The following KCNQ1 variants were observed in gnomAD, a reference collection of about 807,000 sequenced individuals.
The protein encoded by KCNQ1 is potassium voltage-gated channel subfamily Q member 1.
KCNQ1 carries 49 observed loss-of-function variants against 72.4 expected under a neutral mutation model. The observed-to-expected ratio is 0.68, with a 90% CI of 0.54 to 0.86. The LOEUF (loss-of-function observed/expected upper bound fraction) is 0.86, where lower values mean the gene tolerates loss of function less well. KCNQ1 is among the 40% of genes least tolerant of loss of function. KCNQ1 has a pLI of 0.00. For missense variants in KCNQ1, 790 were observed against 945.1 expected, an observed-to-expected ratio of 0.84 and a Z score of 2.15; for synonymous variants, 450 against 412.6, an observed-to-expected ratio of 1.09 and a Z score of -1.10.
At chr11:2,839,009 TAGGTGGGC>T (rs61480309) in intron 15 of KCNQ1, among the ~76,000 whole-genome samples, 111,781 of 151,096 alleles carry the variant, frequency 0.74, 42,897 homozygotes, top group African/African-American at 0.87. Flanking sequence ...GGGGTTGCAC[TAGGTGGGC>T]AGGTGGGCAG....
intron 3 of KCNQ1, among the ~76,000 whole-genome samples, chr11:2,571,022 G>A (rs1333316063): frequency 6.6e-6 from 1 of 152,218 alleles, no homozygotes; most frequent in East Asian, 1.9e-4. Context: ...TGGTGGGCCA[G>A]TCACCCTCGG....
chr11:2,835,425 ACACG>A (rs781179944), intron 15 of KCNQ1, among the ~76,000 whole-genome samples: 3 of 141,600 alleles, frequency 2.1e-5, no homozygotes, highest in Non-Finnish European at 3.1e-5. Flanking sequence ...ACACACACAC[ACACG>A]CACACATGCA....
In KCNQ1 at chr11:2,462,698, TGA is replaced by T. The variant is rs934694596; in HGVS notation, c.386+17216_386+17217del. 7.0e-6 allele frequency among the ~76,000 whole-genome samples: 1 copy of T among 143,346 alleles called. No homozygotes were observed. The highest frequency in any genetic ancestry group is 2.6e-5 in the African/African-American group (1 of 37,792). 94.0% of individuals were successfully genotyped at this position (143,346 alleles called of 152,430 possible). ...CTTAGACAGCTTGGAGGGCCAGGAC[TGA>T]GGGGAGGGGGCGGTGGAGTGAAGGG... On this transcript the variant is annotated intron_variant, in intron 1 of 15. Transcript: ENST00000155840. This position sits in a 1 kb window ranked among gnomAD's most constrained non-coding sequence, Gnocchi z 8.2.
chr11:2,777,628 T>C, intron 14 of KCNQ1: 1 of 584,856 alleles, frequency 1.7e-6, no homozygotes, highest in Non-Finnish European at 3.0e-6. Flanking sequence ...GCGGAATGGC[T>C]GTGCCCCCAG....
rs180982265 is a variant in KCNQ1, at chr11:2,721,377, G to A, written c.1515-47467G>A. 1.7e-4 allele frequency among the ~76,000 whole-genome samples: 26 copies of A among 152,310 alleles called. No homozygotes were observed. In the East Asian group the frequency reaches 4.6e-3, roughly 27 times the overall value. ...GCTAATAAGCCGACTCCCGCTGGGCGCTTTGTAGCGAGGCCGCTGTTCCCA... is the reference window on the plus strand; with the variant it reads ...GCTAATAAGCCGACTCCCGCTGGGCACTTTGTAGCGAGGCCGCTGTTCCCA... On this transcript the variant is annotated intron_variant, in intron 11 of 15. Coordinates refer to ENST00000155840, the MANE Select transcript of KCNQ1 (RefSeq NM_000218.3).
chr11:2,745,519 G>C lies in KCNQ1; in HGVS notation c.1515-23325G>C, dbSNP rs1473085639. Among the ~76,000 whole-genome samples, 3 of 152,140 alleles carry C rather than the reference G, an allele frequency of 2.0e-5. No individual in the cohort carries two copies. Among genetic ancestry groups the C allele is most frequent in the Non-Finnish European group, 2.9e-5 (2 of 68,018 alleles). On this transcript the variant is annotated intron_variant, in intron 11 of 15. Transcript: ENST00000155840. The surrounding 1 kb of genome is among the most constrained non-coding windows in gnomAD (Gnocchi z 6.2). ...TATCAGCTCTATTGATTGATCTTTT[G>C]ATCCTGCTGATTGTCTAAGTGGATC...
At position 2,466,414 on chromosome 11, in the gene KCNQ1, C is replaced by G. The variant is rs370872454; in HGVS notation, c.386+20930C>G. Among the ~76,000 whole-genome samples the G allele has an allele frequency of 2.9e-3, 447 of 152,290 alleles. 3 individuals carry two copies. Among genetic ancestry groups the G allele is most frequent in the African/African-American group, 0.01 (435 of 41,570 alleles). ...CAGAAGAGAGTGAGTTTTGAGGGAA[C>G]ACAGTGCTGGGGGTCCCCTCCTGGG... is the stretch of plus-strand genomic sequence containing the variant. On this transcript the variant is annotated intron_variant, in intron 1 of 15. Coordinates refer to ENST00000155840, the MANE Select transcript of KCNQ1 (RefSeq NM_000218.3).
chr11:2,838,100 A>G (rs1848116514), intron 15 of KCNQ1, among the ~76,000 whole-genome samples: 1 of 152,184 alleles, frequency 6.6e-6, no homozygotes, highest in Non-Finnish European at 1.5e-5. Context: ...TTTAGGGTAT[A>G]CCTGCTGCAC....
rs1033662868 is a variant in KCNQ1 at position 2,803,154 on chromosome 11, G to C, written c.1794+25117G>C. 2.3e-4 allele frequency among the ~76,000 whole-genome samples: 5 copies of C among 21,412 alleles called. No individual in the cohort carries two copies. The highest frequency in any genetic ancestry group is 6.0e-4 in the African/African-American group (5 of 8,390). 14.0% of individuals were successfully genotyped at this position (21,412 alleles called of 152,430 possible). On this transcript the variant is annotated intron_variant, in intron 15 of 15. Coordinates refer to ENST00000155840, the MANE Select transcript of KCNQ1 (RefSeq NM_000218.3). The surrounding 1 kb of genome is among the most constrained non-coding windows in gnomAD (Gnocchi z 6.4). ...AGGGTAGCCCAGAAAACCCAGCCGG[G>C]CCCCCCCCCCCACGGGCACCCAGGA...
chr11:2,752,864 C>G lies in KCNQ1; in HGVS notation c.1515-15980C>G, dbSNP rs373799145. Among the ~76,000 whole-genome samples the G allele has an allele frequency of 1.1e-4, 16 of 152,250 alleles. No individual in the cohort carries two copies. The highest frequency in any genetic ancestry group is 3.6e-4 in the African/African-American group (15 of 41,536). On this transcript the variant is annotated intron_variant, in intron 11 of 15. Transcript: ENST00000155840. This position sits in a 1 kb window ranked among gnomAD's most constrained non-coding sequence, Gnocchi z 5.2. ...GTTCTGGGTTATGTCAAAATGAGTT[C>G]CCTTTGCTGAATCTGTTTCAGCCAC...
Position 2,640,205 on chromosome 11 carries a change from C to T in KCNQ1, c.1394-21756C>T, listed in dbSNP as rs766735745. 121 of 392,924 alleles carry T rather than the reference C, an allele frequency of 3.1e-4. No homozygotes were observed. Among genetic ancestry groups the T allele is most frequent in the Non-Finnish European group, 4.8e-4 (108 of 223,176 alleles). 24.3% of individuals were successfully genotyped at this position (392,924 alleles called of 1,614,324 possible). On this transcript the variant is annotated intron_variant, in intron 10 of 15. Transcript: ENST00000155840. Reference sequence around the variant, plus strand: ...TTCGTCTCACACTCAGTGGGCTGCACCCACTGTCCTGTACCCACTGTCTTG... The same window carrying T: ...TTCGTCTCACACTCAGTGGGCTGCATCCACTGTCCTGTACCCACTGTCTTG...
chr11:2,624,369 C>A lies in KCNQ1; in HGVS notation c.1393+35515C>A, dbSNP rs1849228101. 1 of 398,472 alleles carries A rather than the reference C, an allele frequency of 2.5e-6. No individual in the cohort carries two copies. Among genetic ancestry groups the A allele is most frequent in the Non-Finnish European group, 4.4e-6 (1 of 226,010 alleles). 24.7% of individuals were successfully genotyped at this position (398,472 alleles called of 1,614,324 possible). ...GTATTGTCTCCCTTCTGTGGCCTGTCCTTTCATCCTCTTGACAGTATGTTT... is the reference window on the plus strand; with the variant it reads ...GTATTGTCTCCCTTCTGTGGCCTGTACTTTCATCCTCTTGACAGTATGTTT... On this transcript the variant is annotated intron_variant, in intron 10 of 15. Transcript: ENST00000155840. The surrounding 1 kb of genome is among the most constrained non-coding windows in gnomAD (Gnocchi z 4.9).
At chr11:2,836,355 G>A (rs190846273) in intron 15 of KCNQ1, among the ~76,000 whole-genome samples, 12 of 152,296 alleles carry the variant, frequency 7.9e-5, no homozygotes, top group East Asian at 5.8e-4. Context: ...CTGTCCATCC[G>A]TCTGTCTGTG....
At chr11:2,476,272 G>A (rs549643414) in intron 1 of KCNQ1, among the ~76,000 whole-genome samples, 4 of 152,150 alleles carry the variant, frequency 2.6e-5, no homozygotes, top group East Asian at 3.9e-4. Context: ...TGATTTCAAC[G>A]TATGTTTAAA....
chr11:2,726,205 G>A lies in KCNQ1; in HGVS notation c.1515-42639G>A, dbSNP rs530461491. 1.9e-4 allele frequency among the ~76,000 whole-genome samples: 29 copies of A among 152,338 alleles called. No homozygotes were observed. In the East Asian group the frequency reaches 3.1e-3, roughly 16 times the overall value. On this transcript the variant is annotated intron_variant, in intron 11 of 15. Transcript: ENST00000155840. ...GAGGAGCAGGCCAAGGGTGGGTCCC[G>A]GGCAGTGGCCCAGAGAAGCTGAGCT...
At chr11:2,732,168 G>C (rs1412987717) in intron 11 of KCNQ1, among the ~76,000 whole-genome samples, 1 of 152,276 alleles carries the variant, frequency 6.6e-6, no homozygotes, top group Non-Finnish European at 1.5e-5. Context: ...CGGCCAGGCA[G>C]TGCCTCTCAG....
At chr11:2,534,852 A>G (rs910037239) in intron 2 of KCNQ1, among the ~76,000 whole-genome samples, 39 of 152,374 alleles carry the variant, frequency 2.6e-4, no homozygotes, top group Middle Eastern at 3.4e-3. Flanking sequence ...ACTGTGTGCC[A>G]GGATCTATGT....
Position 2,547,250 on chromosome 11 carries a change from G to A in KCNQ1, c.477+19232G>A, listed in dbSNP as rs529088053. The stretch of plus-strand genomic sequence containing the variant: ...GTATTATTTATTTATTTATTTTTGC[G>A]AAACAGTTTCCCTCTGTTGCCCAGG... On this transcript the variant is annotated intron_variant, in intron 2 of 15. Coordinates refer to ENST00000155840, the MANE Select transcript of KCNQ1 (RefSeq NM_000218.3). This position sits in a 1 kb window ranked among gnomAD's most constrained non-coding sequence, Gnocchi z 4.2. Among the ~76,000 whole-genome samples, 11 of 152,038 alleles carry A rather than the reference G, an allele frequency of 7.2e-5. No individual in the cohort carries two copies. Among genetic ancestry groups the A allele is most frequent in the East Asian group, 3.9e-4 (2 of 5,174 alleles).
At chr11:2,847,103 AC>A (rs577871889) in intron 15 of KCNQ1, among the ~76,000 whole-genome samples, 136 of 143,928 alleles carry the variant, frequency 9.4e-4, no homozygotes, top group Middle Eastern at 7.0e-3. Flanking sequence ...AAAAAAACCC[AC>A]CCCCACCCCC....
Sources: gnomAD v4.1 joint callset for allele counts (sites outside exome capture counted in the v4.1 genomes callset) on GRCh38, gnomAD v4.1.1 for gene constraint, Gnocchi (gnomAD v3.1) non-coding constraint, MANE v1.5 for transcripts, NCBI Gene and HGNC (gene_info 2026-07-23, HGNC 2026-07-21) for gene names.